The following EPHA5 variants were observed in gnomAD, a reference collection of about 807,000 sequenced individuals.
EPHA5 encodes the protein ephrin type-A receptor 5.
Under a neutral mutation model 105.0 loss-of-function variants are expected in EPHA5, and 60 were observed. That is an observed-to-expected ratio of 0.57 (90% CI 0.46 to 0.71). The LOEUF is 0.71. Among genes scored for constraint, EPHA5 ranks in the 30% least tolerant of loss-of-function variants. The probability of loss-of-function intolerance (pLI) is 0.00; values close to 1 mark genes in which losing one functional copy is unlikely to be tolerated. For missense variants in EPHA5, 1,218 were observed against 1,274.7 expected (o/e 0.96, Z 0.68); for synonymous variants, 513 against 449.1 (o/e 1.14, Z -1.80).
chr4:65,442,158 T>C (rs1726079790), intron 5 of EPHA5, among the ~76,000 whole-genome samples: 1 of 152,104 alleles, frequency 6.6e-6, no homozygotes, highest in Admixed American at 6.6e-5. Flanking sequence ...CAAATTCATA[T>C]ATTGAAGTCC....
At chr4:65,488,452 G>C (rs1232764278) in intron 5 of EPHA5, among the ~76,000 whole-genome samples, 1 of 152,116 alleles carries the variant, frequency 6.6e-6, no homozygotes, top group African/African-American at 2.4e-5. Context: ...GAAGCCAAAG[G>C]TTTCAAGCCA....
Position 65,601,944 on chromosome 4 carries a change from C to T in EPHA5, c.607G>A (p.Gly203Arg), listed in dbSNP as rs1457020315. Reference sequence around the variant, plus strand: ...TAAAATCCCTTTTTGCTTAGAGGTCCTACATCTCTGACCTCTGTATTCAGT... The same window carrying T: ...TAAAATCCCTTTTTGCTTAGAGGTCTTACATCTCTGACCTCTGTATTCAGT... ...MKLNTEVRDVGPLSKKGFYLA... is the reference protein window; with the variant it reads ...MKLNTEVRDVRPLSKKGFYLA... Residue 203 changes from glycine (G) to arginine (R), a missense_variant, in exon 3 of 17, where the codon GGA becomes AGA. Around this residue, in one of 3 missense-constraint regions of EPHA5, gnomAD observed 971 missense variants for 1,013.5 expected, o/e 0.96. Transcript: ENST00000613740. 1 of 1,614,098 alleles carries T rather than the reference C, an allele frequency of 6.2e-7. No individual in the cohort carries two copies. The highest frequency in any genetic ancestry group is 1.3e-5 in the African/African-American group (1 of 75,048).
chr4:65,589,474 C>T (rs1267818875), intron 3 of EPHA5, among the ~76,000 whole-genome samples: 1 of 152,090 alleles, frequency 6.6e-6, no homozygotes, highest in Non-Finnish European at 1.5e-5. Context: ...CAAAGAAAGC[C>T]ACTGCTGTCA....
chr4:65,665,839 C>G (rs935201293), intron 1 of EPHA5, among the ~76,000 whole-genome samples: 1 of 152,136 alleles, frequency 6.6e-6, no homozygotes, highest in Non-Finnish European at 1.5e-5. Flanking sequence ...AAACTATTCA[C>G]GGTCCCTTGT....
chr4:65,652,874 C>T (rs1267622533), intron 1 of EPHA5, among the ~76,000 whole-genome samples: 1 of 151,950 alleles, frequency 6.6e-6, no homozygotes, highest in Non-Finnish European at 1.5e-5. Flanking sequence ...GAGAAAGCAA[C>T]AAAGTAATAA....
At chr4:65,632,405 G>GAGA (rs1470552603) in intron 2 of EPHA5, among the ~76,000 whole-genome samples, 2 of 151,720 alleles carry the variant, frequency 1.3e-5, no homozygotes, top group African/African-American at 4.8e-5. Context: ...CATAATCTCT[G>GAGA]TGCTTGGCAT....
rs192474679 is a variant in EPHA5 at position 65,424,689 on chromosome 4, A to G, written c.1403-4124T>C. On this transcript the variant is annotated intron_variant, in intron 5 of 16. Coordinates refer to ENST00000613740, the MANE Select transcript of EPHA5 (RefSeq NM_001281766.3). ...CTTCTCTGAACTTGGCACTGCTTTA[A>G]AATGCTCGATGAGATCCAAAGGCAA... 2.9e-3 allele frequency among the ~76,000 whole-genome samples: 440 copies of G among 152,192 alleles called. 1 individual carries two copies. Among genetic ancestry groups the G allele is most frequent in the Admixed American group, 4.9e-3 (75 of 15,274 alleles).
intron 8 of EPHA5, among the ~76,000 whole-genome samples, chr4:65,380,471 A>G (rs753677646): frequency 6.6e-6 from 1 of 151,768 alleles, no homozygotes; most frequent in Non-Finnish European, 1.5e-5. Flanking sequence ...GTGATTATTC[A>G]TCTAGGGAAG....
chr4:65,503,260 C>G (rs1181454990), intron 3 of EPHA5, among the ~76,000 whole-genome samples: 1 of 151,696 alleles, frequency 6.6e-6, no homozygotes, highest in Non-Finnish European at 1.5e-5. Context: ...ACATGTAACC[C>G]CTGAATCTAA....
intron 8 of EPHA5, among the ~76,000 whole-genome samples, chr4:65,392,181 C>A (rs1235985444): frequency 6.6e-6 from 1 of 152,044 alleles, no homozygotes; most frequent in Non-Finnish European, 1.5e-5. Flanking sequence ...GATGTGCTCT[C>A]TAATTATTTT....
At position 65,490,561 on chromosome 4, in the gene EPHA5, C is replaced by T. The variant is rs1469602986; in HGVS notation, c.1218G>A (p.Glu406=). The stretch of plus-strand genomic sequence containing the variant: ...GGTACCTGACATGACCGCCACACTC[C>T]TCACACACACCTGCATGGGAGTTGC... ...KKCNSHAGVC[E]ECGGHVRYLP... The change falls in exon 5 of 17, where the codon GAG becomes GAA. Residue 406 remains glutamate, a synonymous_variant. Transcript: ENST00000613740. 3 of 1,613,986 alleles carry T rather than the reference C, an allele frequency of 1.9e-6. No individual in the cohort carries two copies. Among genetic ancestry groups the T allele is most frequent in the South Asian group, 1.1e-5 (1 of 91,082 alleles).
rs1249563998 is a variant in EPHA5, at chr4:65,495,557, T to A, written c.911-14A>T. 2 of 1,599,960 alleles carry A rather than the reference T, an allele frequency of 1.3e-6. No individual in the cohort carries two copies. Among genetic ancestry groups the A allele is most frequent in the Non-Finnish European group, 1.7e-6 (2 of 1,174,616 alleles). On this transcript the variant is annotated splice_polypyrimidine_tract_variant and intron_variant, in intron 3 of 16. Coordinates refer to ENST00000613740, the MANE Select transcript of EPHA5 (RefSeq NM_001281766.3). Reference sequence around the variant, plus strand: ...CAGGTCTGCACACTGTCAAAAGAAATAAGAGACTAAGCTTTTCCCTGGAAC... The same window carrying A: ...CAGGTCTGCACACTGTCAAAAGAAAAAAGAGACTAAGCTTTTCCCTGGAAC...
intron 5 of EPHA5, among the ~76,000 whole-genome samples, chr4:65,435,155 C>T (rs1435911577): frequency 6.6e-6 from 1 of 152,048 alleles, no homozygotes; most frequent in Non-Finnish European, 1.5e-5. Flanking sequence ...ACTATATATA[C>T]ACCCTGGGCA....
At chr4:65,475,770 C>G (rs1729736621) in intron 5 of EPHA5, among the ~76,000 whole-genome samples, 1 of 151,998 alleles carries the variant, frequency 6.6e-6, no homozygotes, top group Non-Finnish European at 1.5e-5. Flanking sequence ...GATTGTTGAC[C>G]ACGTTTACAT....
At position 65,669,960 on chromosome 4, in the gene EPHA5, A is replaced by C; in HGVS notation, c.-218T>G. On this transcript the variant is annotated 5_prime_UTR_variant, in exon 1 of 17. In the 5' UTR this introduces an upstream ATG that the reference lacks. Coordinates refer to ENST00000613740, the MANE Select transcript of EPHA5 (RefSeq NM_001281766.3). ...CTCGCCTCCCCCTTTGGTGGGGTTA[A>C]ATGAAATATTAGTTCTGGTTGCTAG... is the stretch of plus-strand genomic sequence containing the variant. 1.7e-6 allele frequency: 1 copy of C among 604,724 alleles called. No individual in the cohort carries two copies. The highest frequency in any genetic ancestry group is 2.4e-6 in the Non-Finnish European group (1 of 415,842). 37.5% of individuals were successfully genotyped at this position (604,724 alleles called of 1,614,324 possible). A position where few individuals can be genotyped will look rare whatever the true frequency, so the allele number is the denominator to read the frequency against.
chr4:65,486,191 A>T (rs1730862186), intron 5 of EPHA5, among the ~76,000 whole-genome samples: 2 of 152,004 alleles, frequency 1.3e-5, no homozygotes, highest in Admixed American at 1.3e-4. Flanking sequence ...TCTTCTCATT[A>T]CTGGTTCCCC....
chr4:65,427,433 G>A (rs558623842), intron 5 of EPHA5, among the ~76,000 whole-genome samples: 1 of 151,886 alleles, frequency 6.6e-6, no homozygotes, highest in Non-Finnish European at 1.5e-5. Context: ...CACCTACCTC[G>A]GCCACCCAAA....
intron 3 of EPHA5, among the ~76,000 whole-genome samples, chr4:65,503,767 A>G (rs1732723262): frequency 6.6e-6 from 1 of 151,828 alleles, no homozygotes; most frequent in Admixed American, 6.6e-5. Flanking sequence ...GTGTCATTAA[A>G]TAACTTAGTT....
chr4:65,352,658 T>C (rs748688787), intron 12 of EPHA5, among the ~76,000 whole-genome samples: 17 of 151,988 alleles, frequency 1.1e-4, no homozygotes, highest in Non-Finnish European at 2.2e-4. Context: ...TTTACACGTT[T>C]TCTTGCTCTG....
Sources: allele counts gnomAD v4.1 joint callset (sites outside exome capture counted in the v4.1 genomes callset), GRCh38; gene constraint gnomAD v4.1.1; regional missense constraint gnomAD v4.1.1; transcripts MANE v1.5; gene names NCBI Gene and HGNC (gene_info 2026-07-23, HGNC 2026-07-21).